Variants in HLCS observed in about 807,000 individuals in gnomAD.
HLCS encodes biotin--protein ligase.
Under a neutral mutation model 75.0 loss-of-function variants are expected in HLCS, and 53 were observed. That is an observed-to-expected ratio of 0.71 (90% CI 0.57 to 0.89). The LOEUF is 0.89. Among genes scored for constraint, HLCS ranks in the 40% least tolerant of loss-of-function variants. The probability of loss-of-function intolerance (pLI) is 0.00; values close to 1 mark genes in which losing one functional copy is unlikely to be tolerated. For synonymous variants in HLCS, 431 were observed against 428.6 expected, an observed-to-expected ratio of 1.01 and a Z score of -0.07; for missense variants, 966 against 1,074.0, an observed-to-expected ratio of 0.90 and a Z score of 1.41.
At chr21:36,909,445 T>A (rs954291286) in intron 5 of HLCS, among the ~76,000 whole-genome samples, 6 of 152,216 alleles carry the variant, frequency 3.9e-5, no homozygotes, top group Admixed American at 6.5e-5. Context: ...AACACCAATA[T>A]CTCCACTTCT....
intron 6 of HLCS, among the ~76,000 whole-genome samples, chr21:36,866,188 T>A (rs1293937554): frequency 6.9e-6 from 1 of 144,202 alleles, no homozygotes; most frequent in Non-Finnish European, 1.5e-5. Flanking sequence ...TATACATGTA[T>A]GTTTCGGGGC....
chr21:36,962,445 C>G (rs949038680), intron 1 of HLCS, among the ~76,000 whole-genome samples: 2 of 152,140 alleles, frequency 1.3e-5, no homozygotes, highest in Non-Finnish European at 2.9e-5. Context: ...CCTATCCCCG[C>G]CATTCCTCAC....
intron 6 of HLCS, among the ~76,000 whole-genome samples, chr21:36,892,020 G>C (rs1050771695): frequency 2.0e-5 from 3 of 152,138 alleles, no homozygotes; most frequent in Non-Finnish European, 4.4e-5. Context: ...TAAAAGACCA[G>C]AGTTTTTAGG....
chr21:36,910,894 C>A (rs529767508), intron 5 of HLCS, among the ~76,000 whole-genome samples: 1 of 152,242 alleles, frequency 6.6e-6, no homozygotes, highest in South Asian at 2.1e-4. Flanking sequence ...TGTGTTCTGC[C>A]ACTAGCCCCA....
intron 5 of HLCS, among the ~76,000 whole-genome samples, chr21:36,906,556 AG>A (rs2065464222): frequency 6.6e-6 from 1 of 152,160 alleles, no homozygotes; most frequent in Non-Finnish European, 1.5e-5. Context: ...AAAATTAAAG[AG>A]GCTGTAAATA....
Position 36,989,042 on chromosome 21 carries a change from A to AT in HLCS, c.-393+1115dup, listed in dbSNP as rs746082059. ...TTTATTTTATTTTATTTATTTATTT[A>AT]TTTATTTTTTTTGAGACAGGGTCTC... On this transcript the variant is annotated intron_variant, in intron 1 of 11. Coordinates refer to the HLCS transcript ENST00000336648. 9.7e-3 allele frequency among the ~76,000 whole-genome samples: 803 copies of AT among 83,128 alleles called. 10 individuals carry two copies. Among genetic ancestry groups the AT allele is most frequent in the African/African-American group, 0.033 (770 of 23,160 alleles). 54.5% of individuals were successfully genotyped at this position (83,128 alleles called of 152,430 possible).
intron 5 of HLCS, among the ~76,000 whole-genome samples, chr21:36,898,009 G>A (rs535887474): frequency 5.3e-5 from 8 of 152,234 alleles, no homozygotes; most frequent in South Asian, 2.1e-4. Context: ...GGCCCTTTAC[G>A]TCCCAAAGCT....
intron 4 of HLCS, among the ~76,000 whole-genome samples, chr21:36,933,820 G>A (rs1022596523): frequency 2.0e-5 from 3 of 152,184 alleles, no homozygotes; most frequent in Non-Finnish European, 4.4e-5. Context: ...TGGTCAGGGT[G>A]AATACACAGA....
In HLCS at chr21:36,749,320, A is replaced by G. The variant is rs545068443; in HGVS notation, c.*4926T>C. The G allele has an allele frequency of 1.3e-5, 2 of 152,570 alleles. No individual in the cohort carries two copies. Among genetic ancestry groups the G allele is most frequent in the Non-Finnish European group, 2.9e-5 (2 of 68,028 alleles). 9.5% of individuals were successfully genotyped at this position (152,570 alleles called of 1,614,324 possible). ...CAACACTGCAGCATTTTGCTGCTTTATCAAAATGGTTTATTTTAGGAAACT... is the reference window on the plus strand; with the variant it reads ...CAACACTGCAGCATTTTGCTGCTTTGTCAAAATGGTTTATTTTAGGAAACT... On this transcript the variant is annotated 3_prime_UTR_variant, in exon 11 of 11. Coordinates refer to ENST00000674895, the MANE Select transcript of HLCS (RefSeq NM_001352514.2).
intron 4 of HLCS, 63 bp downstream of exon 4, chr21:36,936,386 T>C (rs2066878010): frequency 7.9e-6 from 11 of 1,383,982 alleles, no homozygotes; most frequent in East Asian, 2.3e-5. Context: ...TTAAAAGACA[T>C]ATTCCCTCGC....
At chr21:36,882,561 C>T (rs2064269698) in intron 6 of HLCS, among the ~76,000 whole-genome samples, 1 of 151,776 alleles carries the variant, frequency 6.6e-6, no homozygotes, top group South Asian at 2.1e-4. Flanking sequence ...CTGCCTTAGC[C>T]TCCTGAGTAG....
chr21:36,862,807 G>A (rs1241359861), intron 6 of HLCS, among the ~76,000 whole-genome samples: 1 of 152,136 alleles, frequency 6.6e-6, no homozygotes, highest in Admixed American at 6.5e-5. Context: ...GAAGGAAGAG[G>A]AAAGGCCTGG....
At chr21:36,932,121 C>A (rs2066675249) in intron 4 of HLCS, among the ~76,000 whole-genome samples, 1 of 152,172 alleles carries the variant, frequency 6.6e-6, no homozygotes, top group African/African-American at 2.4e-5. Flanking sequence ...ACGCGGCCAC[C>A]CACCATGCTG....
At chr21:36,761,930 T>G (rs2089862237) in intron 8 of HLCS, among the ~76,000 whole-genome samples, 1 of 152,192 alleles carries the variant, frequency 6.6e-6, no homozygotes, top group Non-Finnish European at 1.5e-5. Flanking sequence ...GGCCCTGCAC[T>G]TGGGCTCCAG....
intron 1 of HLCS, among the ~76,000 whole-genome samples, chr21:36,966,237 G>A (rs1464240047): frequency 6.6e-6 from 1 of 152,220 alleles, no homozygotes; most frequent in Non-Finnish European, 1.5e-5. Flanking sequence ...TGGCCGGGAA[G>A]AGGCGACCGG....
intron 6 of HLCS, among the ~76,000 whole-genome samples, chr21:36,853,704 T>C (rs1601519608): frequency 6.6e-6 from 1 of 152,220 alleles, no homozygotes; most frequent in African/African-American, 2.4e-5. Context: ...CAGTAACAGA[T>C]TCTTTCACAA....
chr21:36,766,394 T>C (rs1368832325), intron 7 of HLCS, among the ~76,000 whole-genome samples: 2 of 149,680 alleles, frequency 1.3e-5, no homozygotes, highest in Non-Finnish European at 1.5e-5. Context: ...AAAGTTCTTC[T>C]TGAATGTCTT....
chr21:36,789,433 G>C (rs1302184713), intron 6 of HLCS, among the ~76,000 whole-genome samples: 1 of 152,060 alleles, frequency 6.6e-6, no homozygotes, highest in East Asian at 1.9e-4. Context: ...AATTATACCA[G>C]AATATGGCTT....
chr21:36,973,509 T>C (rs903094454), intron 1 of HLCS: 1 of 152,078 alleles, frequency 6.6e-6, no homozygotes, highest in Non-Finnish European at 1.5e-5. Context: ...TTGGCAGAAA[T>C]CCCCTTCTCA....
Sources: allele counts gnomAD v4.1 joint callset (sites outside exome capture counted in the v4.1 genomes callset), GRCh38; gene constraint gnomAD v4.1.1; transcripts MANE v1.5; gene names NCBI Gene and HGNC (gene_info 2026-07-23, HGNC 2026-07-21).